Variants in NRXN3 observed in about 807,000 individuals in gnomAD.
NRXN3 encodes neurexin 3, also known as neurexin III.
NRXN3 carries 32 observed loss-of-function variants against 137.6 expected under a neutral mutation model. The observed-to-expected ratio is 0.23, with a 90% CI of 0.18 to 0.31. The LOEUF is 0.31. Among genes scored for constraint, NRXN3 ranks in the 10% least tolerant of loss-of-function variants. The probability of loss-of-function intolerance (pLI) is 1.00; values close to 1 mark genes in which losing one functional copy is unlikely to be tolerated. For missense variants in NRXN3, 1,574 were observed against 2,062.5 expected, an observed-to-expected ratio of 0.76 and a Z score of 4.59; for synonymous variants, 798 against 784.5, an observed-to-expected ratio of 1.02 and a Z score of -0.29.
At chr14:78,325,652 TG>T (rs1223520827) in intron 4 of NRXN3, among the ~76,000 whole-genome samples, 1 of 151,964 alleles carries the variant, frequency 6.6e-6, no homozygotes, top group Admixed American at 6.6e-5. Context: ...GAGAACAGTT[TG>T]AAAAAAAGCA....
At chr14:78,886,969 C>T (rs1021976619) in intron 10 of NRXN3, among the ~76,000 whole-genome samples, 1 of 152,090 alleles carries the variant, frequency 6.6e-6, no homozygotes, top group African/African-American at 2.4e-5. Flanking sequence ...TGTCTAACTT[C>T]GTTTTGTGTT....
chr14:78,256,720 A>G (rs185877392), intron 2 of NRXN3, among the ~76,000 whole-genome samples: 38 of 152,380 alleles, frequency 2.5e-4, no homozygotes, highest in Non-Finnish European at 4.4e-4. Flanking sequence ...TCCATGCAAC[A>G]CACGTAAGTT....
chr14:78,569,040 T>C (rs564134217), intron 4 of NRXN3, among the ~76,000 whole-genome samples: 12 of 147,374 alleles, frequency 8.1e-5, no homozygotes, highest in African/African-American at 3.0e-4. Context: ...CGGTCTTGGC[T>C]CACTGCCAGC....
At chr14:79,254,150 G>A (rs1319520903) in intron 15 of NRXN3, among the ~76,000 whole-genome samples, 1 of 152,050 alleles carries the variant, frequency 6.6e-6, no homozygotes, top group Non-Finnish European at 1.5e-5. Context: ...AACACTCTGG[G>A]GCAACCTGAA....
intron 15 of NRXN3, among the ~76,000 whole-genome samples, chr14:79,412,782 C>CA (rs71103803): frequency 0.014 from 833 of 59,526 alleles, 29 homozygotes; most frequent in African/African-American, 0.019. Context: ...GACTCTGTCT[C>CA]AAAAAAAAAA....
At chr14:79,174,897 T>C (rs112934065) in intron 15 of NRXN3, among the ~76,000 whole-genome samples, 160 of 151,326 alleles carry the variant, frequency 1.1e-3, no homozygotes, top group African/African-American at 3.5e-3. Context: ...AGGGGAGCAA[T>C]AGGGGAATAT....
At chr14:78,219,151 T>C (rs1246205170) in intron 1 of NRXN3, among the ~76,000 whole-genome samples, 1 of 114,038 alleles carries the variant, frequency 8.8e-6, no homozygotes, top group East Asian at 2.0e-4. Context: ...TTAGGAGTTT[T>C]GGTGGGAGGG....
At chr14:78,587,766 G>A (rs1004788649) in intron 4 of NRXN3, among the ~76,000 whole-genome samples, 1 of 151,800 alleles carries the variant, frequency 6.6e-6, no homozygotes, top group African/African-American at 2.4e-5. Flanking sequence ...AAAGACTCAG[G>A]GCATCATCAT....
intron 4 of NRXN3, among the ~76,000 whole-genome samples, chr14:78,426,049 G>T (rs1013475367): frequency 7.9e-5 from 12 of 152,190 alleles, no homozygotes; most frequent in Admixed American, 3.3e-4. Context: ...GGCATCACCT[G>T]CCCTGAGGCC....
chr14:78,562,353 C>T (rs943430051), intron 4 of NRXN3, among the ~76,000 whole-genome samples: 24 of 146,602 alleles, frequency 1.6e-4, no homozygotes, highest in African/African-American at 4.6e-4. Context: ...CCCAAGATCG[C>T]GCCACTGCAC....
intron 15 of NRXN3, among the ~76,000 whole-genome samples, chr14:79,050,275 T>C (rs746332015): frequency 5.3e-5 from 8 of 152,204 alleles, no homozygotes; most frequent in Admixed American, 1.3e-4. Flanking sequence ...CATTATAAAC[T>C]CTAATTCATT....
intron 10 of NRXN3, among the ~76,000 whole-genome samples, chr14:78,951,404 T>G (rs986644695): frequency 5.9e-5 from 9 of 152,106 alleles, no homozygotes; most frequent in African/African-American, 2.2e-4. Context: ...CAGAGAAGCC[T>G]TCTCTGATCA....
chr14:79,625,995 A>G (rs965981111), intron 16 of NRXN3, among the ~76,000 whole-genome samples: 1 of 152,236 alleles, frequency 6.6e-6, no homozygotes, highest in Non-Finnish European at 1.5e-5. Context: ...AATACCAAAT[A>G]TAATTATATA....
intron 15 of NRXN3, among the ~76,000 whole-genome samples, chr14:79,305,575 G>A (rs2085907165): frequency 6.6e-6 from 1 of 152,064 alleles, no homozygotes; most frequent in Admixed American, 6.6e-5. Context: ...AAATGACTTT[G>A]CCAAAGTAAT....
intron 2 of NRXN3, among the ~76,000 whole-genome samples, chr14:78,254,678 C>CAAAA (rs36116506): frequency 9.0e-5 from 11 of 122,166 alleles, no homozygotes; most frequent in African/African-American, 3.6e-4. Flanking sequence ...ACTCCATCTC[C>CAAAA]AAAAAAAAAA....
intron 10 of NRXN3, among the ~76,000 whole-genome samples, chr14:78,946,109 G>T (rs539637803): frequency 6.6e-6 from 1 of 152,210 alleles, no homozygotes; most frequent in Non-Finnish European, 1.5e-5. Flanking sequence ...TGGGATTGAC[G>T]TGAGTATTAA....
At chr14:78,261,154 G>A (rs1033349) in intron 2 of NRXN3, among the ~76,000 whole-genome samples, 37,507 of 152,040 alleles carry the variant, frequency 0.25, 5,183 homozygotes, top group Middle Eastern at 0.4. Flanking sequence ...ATTCAATCTG[G>A]CATTGAATGG....
chr14:79,444,407 C>T (rs748338660), intron 15 of NRXN3, among the ~76,000 whole-genome samples: 7 of 152,326 alleles, frequency 4.6e-5, no homozygotes, highest in South Asian at 2.1e-4. Context: ...ACGACTGCTT[C>T]GGATTTGTCG....
chr14:78,868,274 T>C (rs2099092485), intron 10 of NRXN3, among the ~76,000 whole-genome samples: 1 of 152,032 alleles, frequency 6.6e-6, no homozygotes, highest in African/African-American at 2.4e-5. Context: ...GTAACTTGAT[T>C]AAATATTAGT....
Sources: allele counts gnomAD v4.1 joint callset (sites outside exome capture counted in the v4.1 genomes callset), GRCh38; gene constraint gnomAD v4.1.1; transcripts MANE v1.5; gene names NCBI Gene and HGNC (gene_info 2026-07-23, HGNC 2026-07-21).